The following NRG1 variants were observed in gnomAD, a reference collection of about 807,000 sequenced individuals.
NRG1 encodes the protein neuregulin 1, also known as pro-neuregulin-1, membrane-bound isoform.
A neutral mutation model predicts 63.8 loss-of-function variants in NRG1; 18 were observed. That is an observed-to-expected ratio of 0.28 (90% CI 0.19 to 0.42). NRG1 has a LOEUF of 0.42. Among genes scored for constraint, NRG1 ranks in the 10% least tolerant of loss-of-function variants. NRG1 has a pLI of 1.00. For synonymous variants in NRG1, 302 were observed against 301.3 expected, an observed-to-expected ratio of 1.00 and a Z score of -0.02; for missense variants, 762 against 814.7, an observed-to-expected ratio of 0.94 and a Z score of 0.79.
chr8:32,650,729 A>G (rs540524121), intron 5 of NRG1, among the ~76,000 whole-genome samples: 44 of 151,304 alleles, frequency 2.9e-4, no homozygotes, highest in Non-Finnish European at 5.9e-4. Context: ...TTGTTTAGTC[A>G]CAGAAAGAAC....
intron 1 of NRG1, among the ~76,000 whole-genome samples, chr8:31,799,372 G>C (rs982784118): frequency 5.9e-5 from 9 of 152,168 alleles, no homozygotes; most frequent in Middle Eastern, 6.8e-3. Context: ...AATAGGCTGT[G>C]TTGACATTTT....
intron 1 of NRG1, among the ~76,000 whole-genome samples, chr8:32,025,666 G>C (rs1817144401): frequency 6.6e-6 from 1 of 151,676 alleles, no homozygotes; most frequent in Middle Eastern, 3.4e-3. Flanking sequence ...TCTCATAAAA[G>C]TGGAGGCACA....
At chr8:32,238,383 T>C (rs1847783665) in intron 1 of NRG1, among the ~76,000 whole-genome samples, 1 of 149,950 alleles carries the variant, frequency 6.7e-6, no homozygotes, top group Admixed American at 6.7e-5. Flanking sequence ...CGCTTGAACA[T>C]GGCGGAGATT....
intron 1 of NRG1, among the ~76,000 whole-genome samples, chr8:32,086,447 G>C (rs959942308): frequency 3.3e-5 from 5 of 151,850 alleles, no homozygotes; most frequent in African/African-American, 1.2e-4. Context: ...TCAGCAACTT[G>C]CCTAAGCTCT....
intron 1 of NRG1, among the ~76,000 whole-genome samples, chr8:31,645,363 C>A (rs1001359232): frequency 1.3e-5 from 2 of 152,114 alleles, no homozygotes; most frequent in Non-Finnish European, 2.9e-5. Context: ...AAAACTTGGT[C>A]ATTTTAAGTT....
At chr8:32,395,163 C>T (rs10102900) in intron 1 of NRG1, among the ~76,000 whole-genome samples, 51,532 of 151,946 alleles carry the variant, frequency 0.34, 9,177 homozygotes, top group Middle Eastern at 0.43. Context: ...ATAATGCAGC[C>T]TGAGTGAGCT....
At chr8:31,804,202 A>G (rs1822059553) in intron 1 of NRG1, among the ~76,000 whole-genome samples, 1 of 152,186 alleles carries the variant, frequency 6.6e-6, no homozygotes, top group African/African-American at 2.4e-5. Flanking sequence ...TATTCCTTTA[A>G]TGAATGAATA....
chr8:32,017,437 A>T (rs542819681), intron 1 of NRG1, among the ~76,000 whole-genome samples: 5 of 150,374 alleles, frequency 3.3e-5, no homozygotes, highest in African/African-American at 1.3e-4. Context: ...TCTGCAGCAG[A>T]CACCAGCTGG....
intron 5 of NRG1, among the ~76,000 whole-genome samples, chr8:32,625,297 A>G (rs540182611): frequency 2.6e-5 from 4 of 152,282 alleles, no homozygotes; most frequent in Admixed American, 1.3e-4. Flanking sequence ...TCAAAAACCA[A>G]TTAATTGGGT....
intron 5 of NRG1, 21 bp from the exon 6 acceptor site, chr8:32,727,928 T>C (rs756160841): frequency 6.2e-7 from 1 of 1,613,078 alleles, no homozygotes; most frequent in East Asian, 2.2e-5. Flanking sequence ...TGTTAACCTT[T>C]CTCCTTTCTC....
intron 5 of NRG1, among the ~76,000 whole-genome samples, chr8:32,662,175 T>TA (rs1803027975): frequency 6.6e-6 from 1 of 152,106 alleles, no homozygotes; most frequent in African/African-American, 2.4e-5. Flanking sequence ...AAAATACCCT[T>TA]AAGAAATACA....
At chr8:32,620,812 A>G (rs566251219) in intron 5 of NRG1, among the ~76,000 whole-genome samples, 1 of 152,124 alleles carries the variant, frequency 6.6e-6, no homozygotes, top group South Asian at 2.1e-4. Context: ...ACAGAGCGAG[A>G]ACTTGTCTCT....
chr8:32,014,988 G>A (rs1426397739), intron 1 of NRG1, among the ~76,000 whole-genome samples: 2 of 152,058 alleles, frequency 1.3e-5, no homozygotes, highest in Non-Finnish European at 2.9e-5. Context: ...AGAGAGGCCT[G>A]AACAGATTCT....
At chr8:32,360,767 C>T (rs1320056643) in intron 1 of NRG1, among the ~76,000 whole-genome samples, 1 of 152,188 alleles carries the variant, frequency 6.6e-6, no homozygotes, top group East Asian at 1.9e-4. Context: ...CTTCCTGTAA[C>T]AGTTGCCCCC....
At chr8:32,019,685 C>G (rs954432465) in intron 1 of NRG1, among the ~76,000 whole-genome samples, 1 of 152,102 alleles carries the variant, frequency 6.6e-6, no homozygotes, top group African/African-American at 2.4e-5. Flanking sequence ...TCTGTATCCA[C>G]CTGGTATTTA....
chr8:32,260,449 C>A (rs1586463440), intron 1 of NRG1, among the ~76,000 whole-genome samples: 1 of 152,304 alleles, frequency 6.6e-6, no homozygotes, highest in Admixed American at 6.5e-5. Flanking sequence ...GTCCATAGAA[C>A]AAAATACCAA....
intron 1 of NRG1, among the ~76,000 whole-genome samples, chr8:32,025,355 T>C (rs1188668084): frequency 6.6e-6 from 1 of 152,138 alleles, no homozygotes; most frequent in Non-Finnish European, 1.5e-5. Flanking sequence ...AATTCTATGA[T>C]ATATTTCTTT....
intron 1 of NRG1, among the ~76,000 whole-genome samples, chr8:31,991,558 G>A (rs1811096814): frequency 6.6e-6 from 1 of 151,896 alleles, no homozygotes; most frequent in South Asian, 2.1e-4. Flanking sequence ...TGATATGAGT[G>A]CTAGGATATA....
chr8:32,510,773 C>A (rs760900014), intron 1 of NRG1, among the ~76,000 whole-genome samples: 2 of 152,012 alleles, frequency 1.3e-5, no homozygotes, highest in African/African-American at 2.4e-5. Context: ...TTCAGTAATC[C>A]GGAAGATGGC....
Sources: gnomAD v4.1 joint callset for allele counts (sites outside exome capture counted in the v4.1 genomes callset) on GRCh38, gnomAD v4.1.1 for gene constraint, MANE v1.5 for transcripts, NCBI Gene and HGNC (gene_info 2026-07-23, HGNC 2026-07-21) for gene names.